Variants in PAX3 observed in about 807,000 individuals in gnomAD.
The protein encoded by PAX3 is paired box protein Pax-3.
PAX3 carries 14 observed loss-of-function variants against 51.6 expected under a neutral mutation model. The ratio of observed to expected loss-of-function variants is 0.27; its 90% CI spans 0.18 to 0.42. The LOEUF is 0.42. PAX3 is among the 10% of genes least tolerant of loss of function. PAX3 has a pLI of 1.00. For missense variants in PAX3, 540 were observed against 642.8 expected (o/e 0.84, Z 1.73); for synonymous variants, 280 against 253.4 (o/e 1.11, Z -1.00).
intron 4 of PAX3, among the ~76,000 whole-genome samples, chr2:222,279,742 G>A (rs904916379): frequency 2.0e-5 from 3 of 151,988 alleles, no homozygotes; most frequent in Admixed American, 2.0e-4. Flanking sequence ...ACATTTCAGG[G>A]GAAAAAATGT....
intron 4 of PAX3, among the ~76,000 whole-genome samples, chr2:222,250,751 A>G (rs1228239726): frequency 6.6e-6 from 1 of 152,172 alleles, no homozygotes; most frequent in Non-Finnish European, 1.5e-5. Flanking sequence ...GAGATTTCTT[A>G]AATTCTAAAT....
rs563550851 is a variant in PAX3 at position 222,294,850 on chromosome 2, A to G, written c.452-549T>C. ...AAGGCTATAAAGGGTTTAAATTTCA[A>G]CTGCAGAATCGTTTCCTATTGTAAA... On this transcript the variant is annotated intron_variant, in intron 3 of 8. Coordinates refer to ENST00000392070, the MANE Select transcript of PAX3 (RefSeq NM_181458.4). 1.6e-4 allele frequency among the ~76,000 whole-genome samples: 22 copies of G among 137,418 alleles called. No individual in the cohort carries two copies. The East Asian group carries it at 4.8e-3, about 30-fold the overall frequency. The allele number at this position is 137,418 out of a possible 152,430, so 90.2% of individuals were successfully genotyped here. A position where few individuals can be genotyped will look rare whatever the true frequency, so the allele number is the denominator to read the frequency against.
intron 4 of PAX3, chr2:222,265,062 A>T (rs967979610): frequency 6.6e-6 from 1 of 152,196 alleles, no homozygotes; most frequent in Admixed American, 6.5e-5. Flanking sequence ...TCTAAAAAGT[A>T]CTTAAACACA....
chr2:222,236,665 C>T (rs966713402), intron 4 of PAX3, among the ~76,000 whole-genome samples: 2 of 152,148 alleles, frequency 1.3e-5, no homozygotes, highest in Non-Finnish European at 2.9e-5. Context: ...AATGTGTTAG[C>T]AGGACAGTTG....
chr2:222,241,432 C>T (rs1161121630), intron 4 of PAX3, among the ~76,000 whole-genome samples: 3 of 152,154 alleles, frequency 2.0e-5, no homozygotes, highest in Admixed American at 1.3e-4. Flanking sequence ...GTAGGTTCAG[C>T]TTTTCACGGA....
intron 4 of PAX3, among the ~76,000 whole-genome samples, chr2:222,268,395 T>C (rs973170762): frequency 6.6e-6 from 1 of 152,174 alleles, no homozygotes; most frequent in African/African-American, 2.4e-5. Flanking sequence ...AATCCAAAAA[T>C]ATCCATCCTA....
At chr2:222,269,606 AAAT>A (rs1351342082) in intron 4 of PAX3, among the ~76,000 whole-genome samples, 2 of 152,296 alleles carry the variant, frequency 1.3e-5, no homozygotes, top group South Asian at 2.1e-4. Context: ...AACATAAAAT[AAAT>A]AATAAGGCTA....
chr2:222,234,550 A>T (rs1692728761), intron 4 of PAX3, among the ~76,000 whole-genome samples: 1 of 152,208 alleles, frequency 6.6e-6, no homozygotes, highest in Non-Finnish European at 1.5e-5. Flanking sequence ...GAGCATTAGG[A>T]TGACCTGGAG....
At chr2:222,253,937 T>A (rs1693537516) in intron 4 of PAX3, among the ~76,000 whole-genome samples, 1 of 152,178 alleles carries the variant, frequency 6.6e-6, no homozygotes, top group East Asian at 1.9e-4. Context: ...AATATAGACA[T>A]GAGCCACCAC....
At chr2:222,294,758 G>GCCCCCCCCCCCCCCC (rs368069047) in intron 3 of PAX3, among the ~76,000 whole-genome samples, 24 of 87,092 alleles carry the variant, frequency 2.8e-4, no homozygotes, top group Non-Finnish European at 3.6e-4. Flanking sequence ...ACTTGTCCGC[G>GCCCCCCCCCCCCCCC]CCCCCCCCCA....
intron 4 of PAX3, among the ~76,000 whole-genome samples, chr2:222,235,332 C>T (rs979073804): frequency 1.3e-5 from 2 of 152,226 alleles, no homozygotes; most frequent in African/African-American, 2.4e-5. Context: ...AATAAGGACA[C>T]GTTGAATGAA....
In PAX3 at chr2:222,201,034, TAC is replaced by T. The variant is rs373626774; in HGVS notation, c.*372_*373del. On this transcript the variant is annotated 3_prime_UTR_variant, in exon 9 of 9. Coordinates refer to ENST00000392070, the MANE Select transcript of PAX3 (RefSeq NM_181458.4). ...CCAAACCAGTCTGGGTAAATCTCAA[TAC>T]ACACACACACACACACACGCACGCA... is the stretch of plus-strand genomic sequence containing the variant. The T allele has an allele frequency of 0.069, 39,752 of 579,182 alleles. No individual in the cohort carries two copies. Among genetic ancestry groups the T allele is most frequent in the South Asian group, 0.095 (3,034 of 31,964 alleles). 35.9% of individuals were successfully genotyped at this position (579,182 alleles called of 1,614,324 possible).
chr2:222,258,259 C>A (rs902746799), intron 4 of PAX3, among the ~76,000 whole-genome samples: 1 of 152,026 alleles, frequency 6.6e-6, no homozygotes, highest in Non-Finnish European at 1.5e-5. Flanking sequence ...TCAATTATTT[C>A]ATCTGCATAG....
intron 4 of PAX3, among the ~76,000 whole-genome samples, chr2:222,260,856 G>A (rs1202812555): frequency 2.0e-5 from 3 of 151,896 alleles, no homozygotes; most frequent in Admixed American, 6.6e-5. Context: ...CAAAGTGCTG[G>A]AATTACAGGC....
intron 7 of PAX3, among the ~76,000 whole-genome samples, chr2:222,213,543 C>T (rs2106056864): frequency 6.6e-6 from 1 of 152,266 alleles, no homozygotes; most frequent in Admixed American, 6.5e-5. Flanking sequence ...AGCACACAAA[C>T]TGCTTTAGAA....
chr2:222,201,115 T>C lies in PAX3; in HGVS notation c.*293A>G, dbSNP rs1280769099. On this transcript the variant is annotated 3_prime_UTR_variant, in exon 9 of 9. Coordinates refer to ENST00000392070, the MANE Select transcript of PAX3 (RefSeq NM_181458.4). The stretch of plus-strand genomic sequence containing the variant: ...TCCTCGATGATCAGCACTAAAGAAT[T>C]GGGATGTTTTGATATGTAACCATGT... 6.4e-7 allele frequency: 1 copy of C among 1,567,562 alleles called. No homozygotes were observed. Among genetic ancestry groups the C allele is most frequent in the East Asian group, 2.2e-5 (1 of 44,454 alleles).
chr2:222,287,722 A>C (rs1694881099), intron 4 of PAX3, among the ~76,000 whole-genome samples: 1 of 152,250 alleles, frequency 6.6e-6, no homozygotes, highest in African/African-American at 2.4e-5. Flanking sequence ...TTGGTAGTAA[A>C]TATTTTACAT....
intron 5 of PAX3, among the ~76,000 whole-genome samples, chr2:222,225,555 A>T (rs757943720): frequency 1.5e-4 from 23 of 152,202 alleles, no homozygotes; most frequent in Non-Finnish European, 3.1e-4. Context: ...AATACATCTT[A>T]TTCACATGTG....
chr2:222,246,468 T>C (rs924187375), intron 4 of PAX3, among the ~76,000 whole-genome samples: 2 of 152,164 alleles, frequency 1.3e-5, no homozygotes, highest in East Asian at 1.9e-4. Flanking sequence ...CAAAAGTACA[T>C]TACATTATAA....
Sources: gnomAD v4.1 joint callset for allele counts (sites outside exome capture counted in the v4.1 genomes callset) on GRCh38, gnomAD v4.1.1 for gene constraint, MANE v1.5 for transcripts, NCBI Gene and HGNC (gene_info 2026-07-23, HGNC 2026-07-21) for gene names.